Variants in NECTIN2 observed in about 807,000 individuals in gnomAD.
The protein encoded by NECTIN2 is nectin cell adhesion molecule 2.
NECTIN2 carries 23 observed loss-of-function variants against 56.9 expected under a neutral mutation model. The observed-to-expected ratio is 0.40, with a 90% CI of 0.29 to 0.57. NECTIN2 has a LOEUF of 0.57. NECTIN2 is among the 20% of genes least tolerant of loss of function. The probability of loss-of-function intolerance (pLI) is 0.38; values close to 1 mark genes in which losing one functional copy is unlikely to be tolerated. For synonymous variants in NECTIN2, 302 were observed against 313.8 expected, an observed-to-expected ratio of 0.96 and a Z score of 0.40; for missense variants, 587 against 718.3, an observed-to-expected ratio of 0.82 and a Z score of 2.09.
At chr19:44,859,863 G>C (rs1168456979) in intron 1 of NECTIN2, among the ~76,000 whole-genome samples, 1 of 151,410 alleles carries the variant, frequency 6.6e-6, no homozygotes, top group Non-Finnish European at 1.5e-5. Context: ...ACTTAGGCTG[G>C]CTGAGAACTG....
At chr19:44,851,945 G>A (rs1051306952) in intron 1 of NECTIN2, among the ~76,000 whole-genome samples, 2 of 151,950 alleles carry the variant, frequency 1.3e-5, no homozygotes, top group African/African-American at 4.8e-5. Context: ...CAGCCTCCAA[G>A]TCCCAACCCT....
intron 5 of NECTIN2, among the ~76,000 whole-genome samples, chr19:44,876,741 CAG>C (rs2122696632): frequency 1.3e-5 from 2 of 152,222 alleles, no homozygotes; most frequent in East Asian, 3.9e-4. Flanking sequence ...TAGGGAGACT[CAG>C]AGAACTTTTT....
intron 2 of NECTIN2, among the ~76,000 whole-genome samples, chr19:44,869,592 C>CCA (rs1969147440): frequency 1.9e-5 from 1 of 53,776 alleles, no homozygotes; most frequent in African/African-American, 7.6e-5. Context: ...GACTCCATCT[C>CCA]AAAAAAAAAA....
intron 1 of NECTIN2, among the ~76,000 whole-genome samples, chr19:44,862,681 C>T (rs1969047040): frequency 6.6e-6 from 1 of 151,912 alleles, no homozygotes; most frequent in Admixed American, 6.6e-5. Flanking sequence ...GTGGAGACTA[C>T]AAAAGGTGGG....
In NECTIN2 at chr19:44,886,091, G is replaced by A. The variant is rs2122716318; in HGVS notation, c.1261-42G>A. 3 of 1,577,622 alleles carry A rather than the reference G, an allele frequency of 1.9e-6. 1 individual carries two copies. The South Asian group carries it at 3.3e-5, about 17-fold the overall frequency. On this transcript the variant is annotated intron_variant, in intron 7 of 8. Transcript: ENST00000252483. The stretch of plus-strand genomic sequence containing the variant: ...CTGGCAGGGAGAAGCTGGCTGGGTG[G>A]TGGGGGCAGTTCCTGACCTCCCCGC...
chr19:44,865,384 G>A lies in NECTIN2; in HGVS notation c.202G>A (p.Val68Met). The A allele has an allele frequency of 1.2e-6, 2 of 1,614,162 alleles. No homozygotes were observed. Among genetic ancestry groups the A allele is most frequent in the Non-Finnish European group, 1.7e-6 (2 of 1,180,038 alleles). Residue 68 changes from valine to methionine, a missense_variant, in exon 2 of 9, where the codon GTG (valine) becomes ATG (methionine). Transcript: ENST00000252483. This position sits in a 1 kb window ranked among gnomAD's most constrained non-coding sequence, Gnocchi z 5.2. ...PPVPGLYISL[V>M]TWQRPDAPAN... is the part of the protein sequence containing the mutation. ...TGTTCCTGGACTGTACATCTCCCTG[G>A]TGACCTGGCAGCGCCCAGATGCACC...
At chr19:44,877,837 A>T (rs1291565266) in intron 5 of NECTIN2, among the ~76,000 whole-genome samples, 2 of 152,252 alleles carry the variant, frequency 1.3e-5, no homozygotes, top group Non-Finnish European at 2.9e-5. Flanking sequence ...CGATCGCCAG[A>T]CATGGGAGTT....
intron 5 of NECTIN2, among the ~76,000 whole-genome samples, chr19:44,881,102 C>G (rs924427038): frequency 1.3e-5 from 2 of 151,628 alleles, no homozygotes; most frequent in African/African-American, 4.8e-5. Context: ...AAAATTTTTT[C>G]TAGAGATGAG....
chr19:44,873,177 C>A (rs1393204027), intron 3 of NECTIN2, among the ~76,000 whole-genome samples: 1 of 152,074 alleles, frequency 6.6e-6, no homozygotes, highest in African/African-American at 2.4e-5. Flanking sequence ...CCTCCACTTA[C>A]ACAGATTCCC....
intron 1 of NECTIN2, among the ~76,000 whole-genome samples, chr19:44,858,894 C>T (rs1283110693): frequency 6.6e-6 from 1 of 152,126 alleles, no homozygotes; most frequent in African/African-American, 2.4e-5. Flanking sequence ...CCTCCTGCCT[C>T]GGCCTCCCAA....
At chr19:44,861,753 C>G (rs1468594029) in intron 1 of NECTIN2, among the ~76,000 whole-genome samples, 8 of 152,138 alleles carry the variant, frequency 5.3e-5, no homozygotes, top group Non-Finnish European at 8.8e-5. Context: ...AAAAAATGCT[C>G]AACATCACTG....
chr19:44,888,266 G>A lies in NECTIN2; in HGVS notation c.1504G>A (p.Glu502Lys). The A allele has an allele frequency of 1.2e-6, 2 of 1,614,112 alleles. No homozygotes were observed. Among genetic ancestry groups the A allele is most frequent in the Non-Finnish European group, 1.7e-6 (2 of 1,180,004 alleles). Residue 502 changes from glutamate to lysine, a missense_variant, in exon 9 of 9, where the codon GAG (glutamate) becomes AAG (lysine). Physicochemically the swap from Glu to Lys is moderately conservative, Grantham distance 56. Transcript: ENST00000252483. ...TCTAGAGGATGAGGAGGGGGAGGAG[G>A]AGGAAGAGTATCTGGACAAGATCAA... Reference protein sequence around the residue: ...LDLEDEEGEEEEEYLDKINPI... With the variant: ...LDLEDEEGEEKEEYLDKINPI...
At chr19:44,862,992 CAAAA>C (rs57740346) in intron 1 of NECTIN2, among the ~76,000 whole-genome samples, 42,747 of 123,188 alleles carry the variant, frequency 0.35, 7,448 homozygotes, top group Non-Finnish European at 0.4. Context: ...ACTAAAAATA[CAAAA>C]AAAAAAAAAA....
At chr19:44,857,135 A>G (rs1968973917) in intron 1 of NECTIN2, among the ~76,000 whole-genome samples, 1 of 152,160 alleles carries the variant, frequency 6.6e-6, no homozygotes, top group South Asian at 2.1e-4. Context: ...AGGATTAAGT[A>G]TAGAGTTTAT....
At chr19:44,881,663 G>A (rs1969309332) in intron 5 of NECTIN2, among the ~76,000 whole-genome samples, 1 of 152,102 alleles carries the variant, frequency 6.6e-6, no homozygotes, top group Non-Finnish European at 1.5e-5. Flanking sequence ...CTCTAGCCTG[G>A]GTGACAAAGC....
chr19:44,849,515 G>A (rs1216614028), intron 1 of NECTIN2, among the ~76,000 whole-genome samples: 1 of 152,126 alleles, frequency 6.6e-6, no homozygotes, highest in African/African-American at 2.4e-5. Flanking sequence ...CCCTGCCTGG[G>A]ACGCTGTTAC....
At chr19:44,880,813 T>C (rs1164010919) in intron 5 of NECTIN2, among the ~76,000 whole-genome samples, 36 of 145,768 alleles carry the variant, frequency 2.5e-4, no homozygotes, top group Admixed American at 6.2e-4. Flanking sequence ...TTCACTCTTA[T>C]CCAGGCTGGA....
intron 1 of NECTIN2, among the ~76,000 whole-genome samples, chr19:44,851,794 C>CCTGCCTAG (rs1485473684): frequency 6.6e-6 from 1 of 152,224 alleles, no homozygotes; most frequent in Non-Finnish European, 1.5e-5. Flanking sequence ...TGGCACAGCC[C>CCTGCCTAG]CTGCCTAGCA....
intron 1 of NECTIN2, among the ~76,000 whole-genome samples, chr19:44,860,261 A>C (rs544422460): frequency 6.6e-6 from 1 of 152,286 alleles, no homozygotes; most frequent in Admixed American, 6.5e-5. Context: ...GCAGTGGCTC[A>C]TGCCCGTAAT....
Sources: gnomAD v4.1 joint callset for allele counts (sites outside exome capture counted in the v4.1 genomes callset) on GRCh38, gnomAD v4.1.1 for gene constraint, Gnocchi (gnomAD v3.1) non-coding constraint, MANE v1.5 for transcripts, NCBI Gene and HGNC (gene_info 2026-07-23, HGNC 2026-07-21) for gene names.